GPHN: variants seen among roughly 807,000 people sequenced by gnomAD.
GPHN encodes gephyrin.
In GPHN, 17 loss-of-function variants were observed where a neutral mutation model predicts 95.5. The observed-to-expected ratio is 0.18, with a 90% CI of 0.12 to 0.27. The LOEUF is 0.27. GPHN is among the 10% of genes least tolerant of loss of function. The pLI is 1.00. For missense variants in GPHN, 660 were observed against 978.1 expected (o/e 0.67, Z 4.34); for synonymous variants, 320 against 322.5 (o/e 0.99, Z 0.08).
chr14:67,150,453 C>CAAAA lies in GPHN; in HGVS notation c.1836+7021_1836+7024dup, dbSNP rs1164806975. ...GAGACTCCGTCTCAAAAAAAAAAAACAAAAAAAAAAAAAAAAAAAACATTG... is the reference window on the plus strand; with the variant it reads ...GAGACTCCGTCTCAAAAAAAAAAAACAAAAAAAAAAAAAAAAAAAAAAAACATTG... On this transcript the variant is annotated intron_variant, in intron 18 of 22. Coordinates refer to ENST00000478722, the MANE Select transcript of GPHN (RefSeq NM_020806.5). Among the ~76,000 whole-genome samples, 292 of 98,044 alleles carry CAAAA rather than the reference C, an allele frequency of 3.0e-3. 4 individuals are homozygous for CAAAA. The highest frequency in any genetic ancestry group is 6.5e-3 in the African/African-American group (167 of 25,634). The allele number at this position is 98,044 out of a possible 152,430, so 64.3% of individuals were successfully genotyped here.
chr14:67,112,512 T>C (rs980407816), intron 15 of GPHN, among the ~76,000 whole-genome samples: 3 of 152,174 alleles, frequency 2.0e-5, no homozygotes, highest in Non-Finnish European at 2.9e-5. Flanking sequence ...TTAATGTACC[T>C]CAGTAGCCAC....
the GPHN span, among the ~76,000 whole-genome samples, chr14:67,507,893 C>A: frequency 1.3e-5 from 2 of 152,166 alleles, no homozygotes; most frequent in Non-Finnish European, 2.9e-5. Context: ...AGTCCCAGCA[C>A]TTTGGGAGGC....
intron 18 of GPHN, among the ~76,000 whole-genome samples, chr14:67,145,139 T>C (rs2153706596): frequency 6.6e-6 from 1 of 152,372 alleles, no homozygotes; most frequent in Admixed American, 6.5e-5. Flanking sequence ...GAGCAAACCA[T>C]GAAGTCAGGT....
At chr14:66,736,889 ATC>A (rs1368269550) in intron 2 of GPHN, among the ~76,000 whole-genome samples, 2 of 151,644 alleles carry the variant, frequency 1.3e-5, no homozygotes, top group African/African-American at 2.4e-5. Context: ...CTTTCTTTTT[ATC>A]TCTCTTTGCT....
rs74593510 is a variant in GPHN at position 66,603,132 on chromosome 14, A to T, written c.65-77975A>T. Among the ~76,000 whole-genome samples the T allele has an allele frequency of 8.9e-3, 1,357 of 152,032 alleles. 31 individuals are homozygous for T. The highest frequency in any genetic ancestry group is 0.031 in the African/African-American group (1,283 of 41,540). On this transcript the variant is annotated intron_variant, in intron 1 of 22. Coordinates refer to ENST00000478722, the MANE Select transcript of GPHN (RefSeq NM_020806.5). ...TATTTGGAGTCTTGGTGTCTATGAA[A>T]TCCTCCTGGTACAAAATTTATATAT...
chr14:67,055,633 G>A (rs2075528126), intron 10 of GPHN, among the ~76,000 whole-genome samples: 1 of 152,190 alleles, frequency 6.6e-6, no homozygotes, highest in South Asian at 2.1e-4. Flanking sequence ...ATTCACAATA[G>A]CAAAGACGTG....
chr14:66,992,465 T>A (rs1306781910), intron 9 of GPHN, among the ~76,000 whole-genome samples: 1 of 152,144 alleles, frequency 6.6e-6, no homozygotes, highest in African/African-American at 2.4e-5. Flanking sequence ...AAAGTAATGA[T>A]CTTTTGAACC....
the GPHN span, chr14:67,692,520 TGTCGTG>T: frequency 6.2e-7 from 1 of 1,613,544 alleles, no homozygotes; most frequent in East Asian, 2.2e-5. Context: ...GCTGGTTCCC[TGTCGTG>T]GTCTGGATCT....
intron 1 of GPHN, among the ~76,000 whole-genome samples, chr14:66,555,625 A>G (rs1456103863): frequency 2.6e-5 from 4 of 152,170 alleles, no homozygotes; most frequent in Non-Finnish European, 4.4e-5. Flanking sequence ...TAAGACAAAA[A>G]AAGAAAAAAA....
At chr14:66,618,132 A>C (rs913029574) in intron 1 of GPHN, among the ~76,000 whole-genome samples, 3 of 152,130 alleles carry the variant, frequency 2.0e-5, no homozygotes, top group Non-Finnish European at 2.9e-5. Context: ...TAGGATCTCT[A>C]GTACAATATT....
At chr14:66,580,153 A>G (rs1294101544) in intron 1 of GPHN, among the ~76,000 whole-genome samples, 4 of 151,868 alleles carry the variant, frequency 2.6e-5, no homozygotes, top group African/African-American at 9.7e-5. Flanking sequence ...AAAGGACAAT[A>G]AAACAATACC....
intron 1 of GPHN, among the ~76,000 whole-genome samples, chr14:66,623,642 A>G (rs2063404730): frequency 6.6e-6 from 1 of 150,814 alleles, no homozygotes; most frequent in African/African-American, 2.4e-5. Context: ...AAAAAAAGCA[A>G]AGTCATGCTT....
chr14:67,027,987 A>G (rs1415515740), intron 10 of GPHN, among the ~76,000 whole-genome samples: 3 of 152,310 alleles, frequency 2.0e-5, no homozygotes, highest in East Asian at 1.9e-4. Flanking sequence ...TTCATTCTAT[A>G]TAACTGTATG....
At chr14:66,885,838 T>TAAA (rs33968959) in intron 5 of GPHN, among the ~76,000 whole-genome samples, 74 of 137,890 alleles carry the variant, frequency 5.4e-4, no homozygotes, top group African/African-American at 1.1e-3. Flanking sequence ...TATAACAATT[T>TAAA]AAAAAAAAAA....
At chr14:67,303,583 C>T in the GPHN span, 5 of 1,613,210 alleles carry the variant, frequency 3.1e-6, no homozygotes, top group Non-Finnish European at 4.2e-6. Context: ...AAGCCGCCTC[C>T]TGCCAAGGAA....
intron 2 of GPHN, among the ~76,000 whole-genome samples, chr14:66,688,139 GTAT>G (rs1399296697): frequency 5.3e-5 from 8 of 152,070 alleles, no homozygotes; most frequent in South Asian, 2.1e-4. Context: ...AGAAAAGAAA[GTAT>G]TATTAAGAAT....
the GPHN span, among the ~76,000 whole-genome samples, chr14:67,405,286 G>C: frequency 6.7e-6 from 1 of 149,908 alleles, no homozygotes; most frequent in Non-Finnish European, 1.5e-5. Context: ...CTTGAGTACT[G>C]TTTTAGTTTG....
At chr14:66,570,799 T>C (rs2060657165) in intron 1 of GPHN, among the ~76,000 whole-genome samples, 2 of 152,238 alleles carry the variant, frequency 1.3e-5, no homozygotes, top group African/African-American at 2.4e-5. Context: ...TTTTTGATAA[T>C]AGCCATTCTA....
chr14:67,357,004 T>G, the GPHN span, among the ~76,000 whole-genome samples: 1 of 152,244 alleles, frequency 6.6e-6, no homozygotes, highest in Non-Finnish European at 1.5e-5. Flanking sequence ...AATTTTATTT[T>G]CCTCCTAGGG....
Sources: gnomAD v4.1 joint callset for allele counts (sites outside exome capture counted in the v4.1 genomes callset) on GRCh38, gnomAD v4.1.1 for gene constraint, MANE v1.5 for transcripts, NCBI Gene and HGNC (gene_info 2026-07-23, HGNC 2026-07-21) for gene names.